Variants in GRIN2B observed in about 807,000 individuals in gnomAD.
GRIN2B encodes glutamate receptor ionotropic, NMDA 2B.
Under a neutral mutation model 114.5 loss-of-function variants are expected in GRIN2B, and 5 were observed. That is an observed-to-expected ratio of 0.04 (90% CI 0.02 to 0.09). The LOEUF is 0.09. GRIN2B is among the 10% of genes least tolerant of loss of function. GRIN2B has a pLI of 1.00. For missense variants in GRIN2B, 1,108 were observed against 1,943.5 expected (o/e 0.57, Z 8.08); for synonymous variants, 787 against 745.1 (o/e 1.06, Z -0.92).
At chr12:13,881,888 T>C (rs908111991) in intron 2 of GRIN2B, among the ~76,000 whole-genome samples, 3 of 152,208 alleles carry the variant, frequency 2.0e-5, no homozygotes, top group Non-Finnish European at 4.4e-5. Flanking sequence ...GTGATGTGGC[T>C]TGACAGGAAC....
chr12:13,688,825 G>T (rs1468715203), intron 4 of GRIN2B, among the ~76,000 whole-genome samples: 1 of 152,084 alleles, frequency 6.6e-6, no homozygotes, highest in Non-Finnish European at 1.5e-5. Context: ...ACTCTCAATT[G>T]CCCTCAATAG....
chr12:13,945,983 C>A (rs995215462), intron 2 of GRIN2B, among the ~76,000 whole-genome samples: 1 of 152,134 alleles, frequency 6.6e-6, no homozygotes, highest in Non-Finnish European at 1.5e-5. Flanking sequence ...CATTTGGGAA[C>A]AGAAGTAGCA....
At chr12:13,968,235 T>C (rs545684504) in intron 2 of GRIN2B, among the ~76,000 whole-genome samples, 1 of 152,362 alleles carries the variant, frequency 6.6e-6, no homozygotes, top group East Asian at 1.9e-4. Context: ...ATGCATTGAA[T>C]TCAAGGCCAC....
At chr12:13,582,915 T>G (rs749914560) in intron 10 of GRIN2B, among the ~76,000 whole-genome samples, 1 of 152,246 alleles carries the variant, frequency 6.6e-6, no homozygotes, top group African/African-American at 2.4e-5. Flanking sequence ...TTCTTTTGTA[T>G]TTTATAAAAT....
At chr12:13,646,086 G>A (rs1001703973) in intron 5 of GRIN2B, among the ~76,000 whole-genome samples, 2 of 152,090 alleles carry the variant, frequency 1.3e-5, no homozygotes, top group Non-Finnish European at 2.9e-5. Context: ...GTCTACAACA[G>A]CTGCTACCTG....
At chr12:13,723,826 G>A (rs188247380) in intron 4 of GRIN2B, among the ~76,000 whole-genome samples, 7 of 152,076 alleles carry the variant, frequency 4.6e-5, no homozygotes, top group Non-Finnish European at 1.0e-4. Context: ...AAAATAAACT[G>A]GAAGAATCAA....
intron 10 of GRIN2B, among the ~76,000 whole-genome samples, chr12:13,577,866 T>G (rs2136423062): frequency 6.6e-6 from 1 of 152,334 alleles, no homozygotes; most frequent in East Asian, 1.9e-4. Flanking sequence ...AACATAAACA[T>G]TCATTCAGTT....
intron 2 of GRIN2B, among the ~76,000 whole-genome samples, chr12:13,928,597 A>G (rs1866961432): frequency 6.6e-6 from 1 of 152,244 alleles, no homozygotes; most frequent in Non-Finnish European, 1.5e-5. Context: ...AAAGCTTAGA[A>G]AAAATGGTAA....
intron 2 of GRIN2B, among the ~76,000 whole-genome samples, chr12:13,926,921 C>T: frequency 6.6e-6 from 1 of 150,984 alleles, no homozygotes; most frequent in East Asian, 1.9e-4. Context: ...CCACTGCACT[C>T]CAGCCTGGGG....
chr12:13,801,577 C>T (rs1245826315), intron 3 of GRIN2B, among the ~76,000 whole-genome samples: 2 of 152,076 alleles, frequency 1.3e-5, no homozygotes, highest in African/African-American at 4.8e-5. Flanking sequence ...ACAAAAATGA[C>T]CTTCTCAATA....
rs936883747 is a variant in GRIN2B at position 13,556,856 on chromosome 12, T to A, written c.*5927A>T. On this transcript the variant is annotated 3_prime_UTR_variant, in exon 14 of 14. Transcript: ENST00000609686. ...CTCACTGTACAGAGCTCTTGAGAGATGTAGAGAGAAATGTGGAAGATTTCT... is the reference window on the plus strand; with the variant it reads ...CTCACTGTACAGAGCTCTTGAGAGAAGTAGAGAGAAATGTGGAAGATTTCT... 1.3e-5 allele frequency: 2 copies of A among 152,184 alleles called. No individual in the cohort carries two copies. Among genetic ancestry groups the A allele is most frequent in the African/African-American group, 4.8e-5 (2 of 41,452 alleles). 9.4% of individuals were successfully genotyped at this position (152,184 alleles called of 1,614,324 possible).
At chr12:13,699,723 G>T (rs1950293147) in intron 4 of GRIN2B, among the ~76,000 whole-genome samples, 1 of 151,866 alleles carries the variant, frequency 6.6e-6, no homozygotes, top group Non-Finnish European at 1.5e-5. Context: ...CAAGTAGCTG[G>T]GACTACAGGT....
At chr12:13,874,290 T>C (rs1052652676) in intron 2 of GRIN2B, among the ~76,000 whole-genome samples, 1 of 152,244 alleles carries the variant, frequency 6.6e-6, no homozygotes, top group African/African-American at 2.4e-5. Flanking sequence ...TGAGCTGTTC[T>C]TTCCTGCTGT....
Position 13,826,667 on chromosome 12 carries a change from C to A in GRIN2B, c.411+39131G>T, listed in dbSNP as rs894720326. 2.9e-4 allele frequency among the ~76,000 whole-genome samples: 44 copies of A among 151,884 alleles called. 1 individual carries two copies. Among genetic ancestry groups the A allele is most frequent in the African/African-American group, 9.2e-4 (38 of 41,458 alleles). Reference sequence around the variant, plus strand: ...TTTTTTTAGTTTGGGATTTACTGAACTTATCATATGTTTTACTTCAATATA... The same window carrying A: ...TTTTTTTAGTTTGGGATTTACTGAAATTATCATATGTTTTACTTCAATATA... On this transcript the variant is annotated intron_variant, in intron 3 of 13. Transcript: ENST00000609686.
chr12:13,676,624 A>G (rs1046997837), intron 4 of GRIN2B, among the ~76,000 whole-genome samples: 2 of 152,142 alleles, frequency 1.3e-5, no homozygotes, highest in Non-Finnish European at 2.9e-5. Flanking sequence ...TGGTGGAGAT[A>G]AGAAATGAAA....
intron 10 of GRIN2B, among the ~76,000 whole-genome samples, chr12:13,584,000 A>G (rs1332934340): frequency 6.6e-6 from 1 of 152,218 alleles, no homozygotes; most frequent in Non-Finnish European, 1.5e-5. Context: ...AGGGAAAATA[A>G]TGGGAGGGAT....
intron 3 of GRIN2B, among the ~76,000 whole-genome samples, chr12:13,768,331 G>T (rs1863838962): frequency 6.6e-6 from 1 of 152,200 alleles, no homozygotes; most frequent in Non-Finnish European, 1.5e-5. Context: ...AGAACCATCA[G>T]ATCCTCTGTC....
intron 3 of GRIN2B, among the ~76,000 whole-genome samples, chr12:13,763,987 C>T (rs762534555): frequency 1.3e-5 from 2 of 152,020 alleles, no homozygotes; most frequent in Non-Finnish European, 2.9e-5. Flanking sequence ...AACTGCTTAC[C>T]TTCATTTTCT....
intron 4 of GRIN2B, among the ~76,000 whole-genome samples, chr12:13,699,900 T>C (rs1462621152): frequency 3.6e-5 from 5 of 140,402 alleles, no homozygotes; most frequent in Non-Finnish European, 7.9e-5. Context: ...TTTTTTTTTT[T>C]CTTGTCTAAA....
Sources: allele counts gnomAD v4.1 joint callset (sites outside exome capture counted in the v4.1 genomes callset), GRCh38; gene constraint gnomAD v4.1.1; transcripts MANE v1.5; gene names NCBI Gene and HGNC (gene_info 2026-07-23, HGNC 2026-07-21).